The following DYRK4 variants were observed in gnomAD, a reference collection of about 807,000 sequenced individuals.
The protein encoded by DYRK4 is dual specificity tyrosine-phosphorylation-regulated kinase 4.
A neutral mutation model predicts 68.3 loss-of-function variants in DYRK4; 64 were observed. The ratio of observed to expected loss-of-function variants is 0.94; its 90% CI spans 0.77 to 1.15. DYRK4 has a LOEUF of 1.15. DYRK4 is among the 50% of genes most tolerant of loss of function. The probability of loss-of-function intolerance (pLI) is 0.00; values close to 1 mark genes in which losing one functional copy is unlikely to be tolerated. For synonymous variants in DYRK4, 274 were observed against 289.9 expected (o/e 0.95, Z 0.56); for missense variants, 740 against 764.7 (o/e 0.97, Z 0.38).
At chr12:4,577,042 G>A (rs1052863940) in intron 2 of DYRK4, among the ~76,000 whole-genome samples, 4 of 152,004 alleles carry the variant, frequency 2.6e-5, no homozygotes, top group Admixed American at 6.6e-5. Context: ...CGTCATGATC[G>A]TGCTTTTTTA....
chr12:4,596,408 T>G, intron 7 of DYRK4, 123 bp downstream of exon 7: 1 of 1,532,734 alleles, frequency 6.5e-7, no homozygotes, highest in Admixed American at 2.1e-5. Flanking sequence ...CCCTTTTCTC[T>G]TTCTACCCGT....
At chr12:4,610,412 C>A in intron 13 of DYRK4, 128 bp downstream of exon 13, 1 of 978,490 alleles carries the variant, frequency 1.0e-6, no homozygotes, top group Non-Finnish European at 1.4e-6. Context: ...AACAATAGAG[C>A]TTTAAAGTCT....
intron 9 of DYRK4, among the ~76,000 whole-genome samples, chr12:4,599,443 G>T (rs1945056537): frequency 1.3e-5 from 2 of 152,112 alleles, no homozygotes; most frequent in Admixed American, 1.3e-4. Context: ...TTCAGGAGTT[G>T]CAGAATCAAT....
intron 6 of DYRK4, among the ~76,000 whole-genome samples, chr12:4,594,565 C>T (rs1944994973): frequency 6.6e-6 from 1 of 152,152 alleles, no homozygotes; most frequent in Non-Finnish European, 1.5e-5. Context: ...TCAGCTAGAC[C>T]TCCTCAACCC....
intron 8 of DYRK4, 121 bp downstream of exon 8, chr12:4,596,850 A>C (rs1308795709): frequency 3.9e-6 from 6 of 1,538,780 alleles, no homozygotes; most frequent in South Asian, 1.2e-5. Flanking sequence ...TGGACATGAC[A>C]GTCACTCAGT....
At chr12:4,594,114 T>C (rs1216112489) in intron 6 of DYRK4, among the ~76,000 whole-genome samples, 2 of 152,156 alleles carry the variant, frequency 1.3e-5, no homozygotes, top group Non-Finnish European at 2.9e-5. Flanking sequence ...ATATTTTCGG[T>C]CAAGCATCCC....
intron 9 of DYRK4, 104 bp downstream of exon 9, chr12:4,599,270 C>CTT (rs71061195): frequency 0.052 from 23,295 of 446,074 alleles, 14 homozygotes; most frequent in Non-Finnish European, 0.058. Context: ...TTGCCTTTGA[C>CTT]TTTTTTTTTT....
intron 1 of DYRK4, among the ~76,000 whole-genome samples, chr12:4,563,738 G>A (rs181906295): frequency 3.7e-4 from 57 of 152,316 alleles, no homozygotes; most frequent in African/African-American, 1.3e-3. Flanking sequence ...GGAGATGCAA[G>A]GGAGAGAAAG....
intron 4 of DYRK4, chr12:4,590,859 T>C: frequency 2.3e-6 from 1 of 441,262 alleles, no homozygotes; most frequent in Admixed American, 3.8e-5. Context: ...TGTTGGGAGC[T>C]CACCTTCTTA....
rs777536881 is a variant in DYRK4 at position 4,596,579 on chromosome 12, A to C, written c.765-10A>C. 6.2e-7 allele frequency: 1 copy of C among 1,611,198 alleles called. No individual in the cohort carries two copies. The highest frequency in any genetic ancestry group is 8.5e-7 in the Non-Finnish European group (1 of 1,179,336). On this transcript the variant is annotated splice_polypyrimidine_tract_variant and intron_variant, in intron 7 of 14. Transcript: ENST00000543431. ...TTTCCCACCCTGCCGGCCACTCCCA[A>C]TCACCTTAGGTTTCACCAGCAGGCC...
intron 1 of DYRK4, among the ~76,000 whole-genome samples, 183 bp from the exon 2 acceptor site, chr12:4,567,772 A>G (rs1201967638): frequency 6.6e-6 from 1 of 151,832 alleles, no homozygotes; most frequent in African/African-American, 2.4e-5. Flanking sequence ...CTTCTGTCTG[A>G]CCTCCTGACC....
chr12:4,590,807 A>G (rs1035455242), intron 4 of DYRK4: 3 of 403,280 alleles, frequency 7.4e-6, no homozygotes, highest in Non-Finnish European at 1.3e-5. Flanking sequence ...GAGGCGTCAC[A>G]CACACATAAG....
chr12:4,569,104 C>T (rs1191486251), intron 2 of DYRK4, among the ~76,000 whole-genome samples: 1 of 152,188 alleles, frequency 6.6e-6, no homozygotes. Flanking sequence ...CCTGATTTAA[C>T]TCTAGTGTTG....
chr12:4,582,380 G>T (rs890113991), intron 2 of DYRK4, among the ~76,000 whole-genome samples: 1 of 152,214 alleles, frequency 6.6e-6, no homozygotes, highest in Non-Finnish European at 1.5e-5. Context: ...GGAGGCGGAG[G>T]TTGCGGTGAG....
intron 2 of DYRK4, among the ~76,000 whole-genome samples, chr12:4,568,666 G>A (rs34828327): frequency 0.017 from 2,558 of 152,246 alleles, 30 homozygotes; most frequent in South Asian, 0.031. Flanking sequence ...GATTACAGGC[G>A]TGAGCCACCA....
rs1944956819 is a variant in DYRK4, at chr12:4,591,658, A to G, written c.463+360A>G. ...GAGAGTGGAAGAGCCAGGAGTGGAA[A>G]GGTACTGAATACTGAGAGCAGAGCA... On this transcript the variant is annotated intron_variant, in intron 5 of 14. Coordinates refer to ENST00000543431, the MANE Select transcript of DYRK4 (RefSeq NM_001394779.1). This position sits in a 1 kb window ranked among gnomAD's most constrained non-coding sequence, Gnocchi z 4.1. 4.4e-6 allele frequency: 1 copy of G among 227,738 alleles called. No homozygotes were observed. Among genetic ancestry groups the G allele is most frequent in the African/African-American group, 2.2e-5 (1 of 44,600 alleles). The allele number at this position is 227,738 out of a possible 1,614,324, so 14.1% of individuals were successfully genotyped here.
chr12:4,591,442 A>G lies in DYRK4; in HGVS notation c.463+144A>G. 1 of 1,182,606 alleles carries G rather than the reference A, an allele frequency of 8.5e-7. No individual in the cohort carries two copies. The highest frequency in any genetic ancestry group is 1.2e-6 in the Non-Finnish European group (1 of 859,440). The allele number at this position is 1,182,606 out of a possible 1,614,324, so 73.3% of individuals were successfully genotyped here. A position where few individuals can be genotyped will look rare whatever the true frequency, so the allele number is the denominator to read the frequency against. On this transcript the variant is annotated intron_variant, in intron 5 of 14. Coordinates refer to ENST00000543431, the MANE Select transcript of DYRK4 (RefSeq NM_001394779.1). The surrounding 1 kb of genome is among the most constrained non-coding windows in gnomAD (Gnocchi z 4.1). Reference sequence around the variant, plus strand: ...CCAGCCAAGAGGAAAGTAGAAGTTAAGCGTTGAACCTCTGACTGTGGTAGT... The same window carrying G: ...CCAGCCAAGAGGAAAGTAGAAGTTAGGCGTTGAACCTCTGACTGTGGTAGT...
intron 2 of DYRK4, among the ~76,000 whole-genome samples, chr12:4,582,586 G>T (rs771097599): frequency 2.6e-5 from 4 of 152,190 alleles, no homozygotes; most frequent in Admixed American, 6.5e-5. Context: ...GTAGCGAGTG[G>T]CTTACAAATA....
intron 2 of DYRK4, among the ~76,000 whole-genome samples, chr12:4,568,408 G>A (rs953447607): frequency 3.3e-5 from 5 of 151,128 alleles, no homozygotes; most frequent in East Asian, 3.9e-4. Flanking sequence ...TCTTTGAGAC[G>A]GAGTTTCACT....
Sources: allele counts gnomAD v4.1 joint callset (sites outside exome capture counted in the v4.1 genomes callset), GRCh38; gene constraint gnomAD v4.1.1; non-coding constraint Gnocchi (gnomAD v3.1); transcripts MANE v1.5; gene names NCBI Gene and HGNC (gene_info 2026-07-23, HGNC 2026-07-21).